NTM: variants seen among roughly 807,000 people sequenced by gnomAD.
NTM encodes the protein neurotrimin.
In NTM, 13 loss-of-function variants were observed where a neutral mutation model predicts 42.1. The observed-to-expected ratio is 0.31, with a 90% confidence interval of 0.20 to 0.49. The LOEUF (loss-of-function observed/expected upper bound fraction) is 0.49. Among genes scored for constraint, NTM ranks in the 20% least tolerant of loss-of-function variants. The pLI is 0.99. For synonymous variants in NTM, 187 were observed against 179.2 expected (o/e 1.04, Z -0.35); for missense variants, 373 against 452.8 (o/e 0.82, Z 1.60).
chr11:131,756,944 C>T (rs752512865), intron 1 of NTM, among the ~76,000 whole-genome samples: 31 of 152,114 alleles, frequency 2.0e-4, no homozygotes, highest in Non-Finnish European at 3.1e-4. Context: ...TGTTTAGAAA[C>T]GGGATCCAGC....
At chr11:131,789,657 G>GAA (rs2090539326) in intron 1 of NTM, among the ~76,000 whole-genome samples, 4 of 138,262 alleles carry the variant, frequency 2.9e-5, no homozygotes, top group Non-Finnish European at 4.7e-5. Context: ...AGAAGAAGAA[G>GAA]AAGAAGAAGA....
At chr11:131,522,555 C>G (rs972513562) in intron 1 of NTM, among the ~76,000 whole-genome samples, 2 of 152,092 alleles carry the variant, frequency 1.3e-5, no homozygotes, top group African/African-American at 2.4e-5. Flanking sequence ...AAAGCTTTCT[C>G]CAGGGAAACA....
chr11:131,605,932 T>G (rs904322003), intron 1 of NTM: 14 of 947,878 alleles, frequency 1.5e-5, no homozygotes, highest in African/African-American at 1.8e-5. Context: ...TTATGTTACT[T>G]ATTTAAAATT....
At chr11:132,238,111 A>G (rs1399194125) in intron 4 of NTM, among the ~76,000 whole-genome samples, 2 of 152,158 alleles carry the variant, frequency 1.3e-5, no homozygotes, top group Admixed American at 6.5e-5. Context: ...ATTTGGCTGC[A>G]GTGCACTCCA....
At chr11:131,946,204 T>C (rs2060328882) in intron 2 of NTM, among the ~76,000 whole-genome samples, 1 of 151,700 alleles carries the variant, frequency 6.6e-6, no homozygotes, top group Admixed American at 6.6e-5. Flanking sequence ...GACTGGGAGA[T>C]GGGGAGACGT....
At chr11:131,398,676 CCA>C (rs1255737562) in intron 1 of NTM, among the ~76,000 whole-genome samples, 4 of 152,018 alleles carry the variant, frequency 2.6e-5, no homozygotes, top group African/African-American at 9.7e-5. Context: ...TGGCCTTATT[CCA>C]CTGTTATGAT....
At chr11:131,651,602 G>A (rs1196162948) in intron 1 of NTM, among the ~76,000 whole-genome samples, 1 of 152,168 alleles carries the variant, frequency 6.6e-6, no homozygotes, top group African/African-American at 2.4e-5. Flanking sequence ...AGCATTTTGA[G>A]AGACCGAGGC....
chr11:131,828,746 A>C (rs912115954), intron 1 of NTM, among the ~76,000 whole-genome samples: 11 of 152,102 alleles, frequency 7.2e-5, no homozygotes, highest in African/African-American at 2.2e-4. Flanking sequence ...ACTTTTACTC[A>C]ACCAGCTTCT....
intron 1 of NTM, among the ~76,000 whole-genome samples, chr11:131,756,523 C>CAAA (rs371563328): frequency 7.5e-6 from 1 of 133,806 alleles, no homozygotes; most frequent in South Asian, 2.5e-4. Context: ...GACTCCATCT[C>CAAA]AAAAAAAAAA....
chr11:131,714,830 C>A (rs2077522190), intron 1 of NTM, among the ~76,000 whole-genome samples: 1 of 152,150 alleles, frequency 6.6e-6, no homozygotes. Flanking sequence ...CAGAGGCATG[C>A]CCAGTGTCCA....
chr11:132,256,672 GCAGGGCCTGTTCT>G, intron 4 of NTM, among the ~76,000 whole-genome samples: 1 of 151,356 alleles, frequency 6.6e-6, no homozygotes, highest in Non-Finnish European at 1.5e-5. Context: ...GTGTGGACTG[GCAGGGCCTGTTCT>G]CAGATGGAAG....
intron 1 of NTM, chr11:131,796,395 T>G (rs560683701): frequency 1.3e-5 from 2 of 153,002 alleles, no homozygotes; most frequent in South Asian, 4.1e-4. Flanking sequence ...CCTATGACGG[T>G]GAATAGTAGG....
chr11:132,198,726 G>C (rs1162828343), intron 3 of NTM, among the ~76,000 whole-genome samples: 1 of 152,196 alleles, frequency 6.6e-6, no homozygotes, highest in Admixed American at 6.5e-5. Context: ...CATTCAGATA[G>C]AGAGCAATGT....
chr11:132,296,251 A>G (rs1375483748), intron 4 of NTM, among the ~76,000 whole-genome samples: 1 of 152,120 alleles, frequency 6.6e-6, no homozygotes, highest in Non-Finnish European at 1.5e-5. Context: ...GCAGATGTGG[A>G]GATCATGAGC....
chr11:132,201,875 G>T (rs1220758612), intron 3 of NTM, among the ~76,000 whole-genome samples: 10 of 152,148 alleles, frequency 6.6e-5, no homozygotes, highest in Admixed American at 6.5e-4. Flanking sequence ...TAGCTCAGTG[G>T]CTTCGAGCAC....
intron 1 of NTM, among the ~76,000 whole-genome samples, chr11:131,749,525 T>G (rs2082219806): frequency 2.0e-5 from 3 of 152,242 alleles, no homozygotes; most frequent in African/African-American, 7.2e-5. Context: ...GGTCCCTACC[T>G]TGATCCCTTA....
intron 2 of NTM, among the ~76,000 whole-genome samples, chr11:132,030,243 C>T (rs1397932289): frequency 6.6e-6 from 1 of 152,100 alleles, no homozygotes; most frequent in Non-Finnish European, 1.5e-5. Context: ...ACCCCACCTA[C>T]TCCACCTAAA....
intron 1 of NTM, among the ~76,000 whole-genome samples, chr11:131,476,114 T>C (rs887314314): frequency 6.6e-6 from 1 of 152,196 alleles, no homozygotes; most frequent in African/African-American, 2.4e-5. Flanking sequence ...TTCTTCTTAG[T>C]CTGTGCAAGG....
chr11:131,426,546 C>T (rs1158717991), intron 1 of NTM, among the ~76,000 whole-genome samples: 1 of 152,178 alleles, frequency 6.6e-6, no homozygotes, highest in Non-Finnish European at 1.5e-5. Flanking sequence ...CAGATCTAAT[C>T]TCTTTGGGGA....
Sources: gnomAD v4.1 joint callset for allele counts (sites outside exome capture counted in the v4.1 genomes callset) on GRCh38, gnomAD v4.1.1 for gene constraint, MANE v1.5 for transcripts, NCBI Gene and HGNC (gene_info 2026-07-23, HGNC 2026-07-21) for gene names.